SLC26A8: variants seen among roughly 807,000 people sequenced by gnomAD.
The protein encoded by SLC26A8 is solute carrier family 26 member 8, also known as testis anion transporter 1.
A neutral mutation model predicts 105.0 loss-of-function variants in SLC26A8; 70 were observed. That is an observed-to-expected ratio of 0.67 (90% CI 0.55 to 0.81). The LOEUF (loss-of-function observed/expected upper bound fraction) is 0.81, where lower values mean the gene tolerates loss of function less well. Among genes scored for constraint, SLC26A8 ranks in the 40% least tolerant of loss-of-function variants. The pLI, the probability that SLC26A8 is intolerant of heterozygous loss-of-function variation, is 0.00. For missense variants in SLC26A8, 998 were observed against 1,181.8 expected (o/e 0.84, Z 2.28); for synonymous variants, 415 against 438.3 (o/e 0.95, Z 0.66).
chr6:35,982,560 C>T (rs1311052331), intron 7 of SLC26A8, among the ~76,000 whole-genome samples: 1 of 152,118 alleles, frequency 6.6e-6, no homozygotes, highest in East Asian at 1.9e-4. Flanking sequence ...GAGATCGATC[C>T]ATTTAAATAC....
chr6:36,001,274 G>A (rs772022155), intron 3 of SLC26A8, among the ~76,000 whole-genome samples: 3 of 151,926 alleles, frequency 2.0e-5, no homozygotes, highest in Non-Finnish European at 2.9e-5. Flanking sequence ...AACTACAGGC[G>A]CCCACCACCA....
chr6:35,955,112 G>C, intron 17 of SLC26A8, 40 bp downstream of exon 17: 1 of 1,612,764 alleles, frequency 6.2e-7, no homozygotes, highest in Non-Finnish European at 8.5e-7. Context: ...GATGGTAGGA[G>C]GGGGATCAGA....
chr6:36,021,700 A>G (rs778253097), intron 1 of SLC26A8, among the ~76,000 whole-genome samples: 1 of 152,100 alleles, frequency 6.6e-6, no homozygotes, highest in Non-Finnish European at 1.5e-5. Context: ...ATAATGCCAG[A>G]TTTTTATGTG....
chr6:35,989,952 T>TTTTTTTTTTG (rs1562051330), intron 7 of SLC26A8: 1 of 134,812 alleles, frequency 7.4e-6, no homozygotes, highest in African/African-American at 2.7e-5. Context: ...TTTTTTTTTT[T>TTTTTTTTTTG]TTTGAGACGG....
intron 5 of SLC26A8, among the ~76,000 whole-genome samples, chr6:35,994,470 T>C (rs999911320): frequency 2.6e-5 from 4 of 151,954 alleles, no homozygotes; most frequent in Non-Finnish European, 4.4e-5. Context: ...TTTACTCTAG[T>C]CAGGCCAGTC....
chr6:35,968,191 C>T (rs1772594838), intron 11 of SLC26A8, among the ~76,000 whole-genome samples: 1 of 151,580 alleles, frequency 6.6e-6, no homozygotes, highest in Non-Finnish European at 1.5e-5. Flanking sequence ...GTAACCCAGG[C>T]TTGAGTGCAG....
At chr6:35,996,521 G>A (rs1761355087) in intron 5 of SLC26A8, among the ~76,000 whole-genome samples, 1 of 152,154 alleles carries the variant, frequency 6.6e-6, no homozygotes, top group South Asian at 2.1e-4. Context: ...GATAGTGTGT[G>A]AGCCTGTGAG....
intron 1 of SLC26A8, 52 bp from the exon 2 acceptor site, chr6:36,019,761 C>A: frequency 6.8e-7 from 1 of 1,473,970 alleles, no homozygotes; most frequent in Admixed American, 2.3e-5. Flanking sequence ...TAATCCAGAT[C>A]CTCGGCATAT....
rs530291531 is a variant in SLC26A8 at position 36,003,994 on chromosome 6, T to C, written c.329-3886A>G. Among the ~76,000 whole-genome samples the C allele has an allele frequency of 7.2e-5, 11 of 152,128 alleles. No homozygotes were observed. In the East Asian group the frequency reaches 1.7e-3, roughly 24 times the overall value. On this transcript the variant is annotated intron_variant, in intron 3 of 19. Coordinates refer to ENST00000490799, the MANE Select transcript of SLC26A8 (RefSeq NM_052961.4). The stretch of plus-strand genomic sequence containing the variant: ...TGCTTTTCTTTACCAGTAGTGTACG[T>C]ATCCCTACACAATACAGTTTAATTT...
chr6:35,947,922 C>A (rs1249645341), intron 19 of SLC26A8, among the ~76,000 whole-genome samples: 4 of 152,030 alleles, frequency 2.6e-5, no homozygotes, highest in Non-Finnish European at 5.9e-5. Context: ...CAGAGTGAGA[C>A]CCTGTCTCAA....
chr6:36,019,826 T>A (rs948188805), intron 1 of SLC26A8, 117 bp from the exon 2 acceptor site: 12 of 949,658 alleles, frequency 1.3e-5, no homozygotes, highest in Non-Finnish European at 1.8e-5. Context: ...ATAGCATCTT[T>A]CAGTTGTAAA....
intron 19 of SLC26A8, among the ~76,000 whole-genome samples, chr6:35,948,022 A>T (rs1771734245): frequency 6.6e-6 from 1 of 152,260 alleles, no homozygotes; most frequent in African/African-American, 2.4e-5. Context: ...ACATTTAAGA[A>T]GACAATAAAT....
intron 5 of SLC26A8, among the ~76,000 whole-genome samples, chr6:35,995,726 G>A (rs1050750951): frequency 2.6e-4 from 39 of 151,850 alleles, no homozygotes; most frequent in African/African-American, 9.2e-4. Flanking sequence ...GCCCAGGCTG[G>A]TCTCAAACTC....
At chr6:36,004,820 AT>A (rs750395557) in intron 3 of SLC26A8, among the ~76,000 whole-genome samples, 3,645 of 121,998 alleles carry the variant, frequency 0.03, 49 homozygotes, top group Middle Eastern at 0.039. Flanking sequence ...ACCTAGTTAA[AT>A]TTTTTTTTTT....
At chr6:35,996,962 G>C (rs538877553) in intron 5 of SLC26A8, among the ~76,000 whole-genome samples, 4 of 152,090 alleles carry the variant, frequency 2.6e-5, no homozygotes, top group Middle Eastern at 3.4e-3. Context: ...TTGAACCTGG[G>C]AGGCGGAGAT....
At position 36,002,665 on chromosome 6, in the gene SLC26A8, C is replaced by T. The variant is rs192292277; in HGVS notation, c.329-2557G>A. Among the ~76,000 whole-genome samples, 336 of 150,612 alleles carry T rather than the reference C, an allele frequency of 2.2e-3. 3 individuals carry two copies. Among genetic ancestry groups the T allele is most frequent in the African/African-American group, 7.7e-3 (319 of 41,186 alleles). The stretch of plus-strand genomic sequence containing the variant: ...TATATTATAAATAAAGCCTTTGTTG[C>T]GTATTGTTTTGCAAGTATCTCCCAT... On this transcript the variant is annotated intron_variant, in intron 3 of 19. Coordinates refer to ENST00000490799, the MANE Select transcript of SLC26A8 (RefSeq NM_052961.4).
intron 11 of SLC26A8, 44 bp downstream of exon 11, chr6:35,968,833 G>T (rs755080421): frequency 2.4e-6 from 3 of 1,245,862 alleles, no homozygotes; most frequent in South Asian, 1.2e-5. Flanking sequence ...GCAATCCAGA[G>T]CCCTGGTCGT....
chr6:36,012,491 G>A (rs1761889544), intron 2 of SLC26A8, 119 bp from the exon 3 acceptor site: 3 of 1,111,754 alleles, frequency 2.7e-6, no homozygotes, highest in African/African-American at 3.2e-5. Context: ...GCACTAATGA[G>A]AGTTTGACAT....
intron 19 of SLC26A8, among the ~76,000 whole-genome samples, chr6:35,950,352 T>G (rs1008738507): frequency 2.0e-5 from 3 of 150,936 alleles, no homozygotes. Flanking sequence ...TGCAGTGGCG[T>G]GATCTCAGCT....
Sources: allele counts gnomAD v4.1 joint callset (sites outside exome capture counted in the v4.1 genomes callset), GRCh38; gene constraint gnomAD v4.1.1; transcripts MANE v1.5; gene names NCBI Gene and HGNC (gene_info 2026-07-23, HGNC 2026-07-21).